Variants in LARP1B observed in about 807,000 individuals in gnomAD.
The protein encoded by LARP1B is la-related protein 1B.
A neutral mutation model predicts 114.2 loss-of-function variants in LARP1B; 76 were observed. The observed-to-expected ratio is 0.67, with a 90% CI of 0.55 to 0.81. The LOEUF (loss-of-function observed/expected upper bound fraction) is 0.81, where lower values mean the gene tolerates loss of function less well. Among genes scored for constraint, LARP1B ranks in the 30% least tolerant of loss-of-function variants. The pLI, the probability that LARP1B is intolerant of heterozygous loss-of-function variation, is 0.00. For synonymous variants in LARP1B, 345 were observed against 348.0 expected (o/e 0.99, Z 0.10); for missense variants, 1,014 against 1,075.8 (o/e 0.94, Z 0.80).
intron 7 of LARP1B, 112 bp from the exon 8 acceptor site, chr4:128,098,074 C>T: frequency 1.2e-6 from 1 of 841,066 alleles, no homozygotes. Context: ...ATATTGTTAA[C>T]CAAATTACAA....
At chr4:128,198,364 A>G (rs1754942565) in intron 15 of LARP1B, among the ~76,000 whole-genome samples, 1 of 152,228 alleles carries the variant, frequency 6.6e-6, no homozygotes, top group South Asian at 2.1e-4. Context: ...TCATCTTGCA[A>G]AACAAGCTTC....
chr4:128,062,043 T>C, intron 1 of LARP1B: 1 of 985,206 alleles, frequency 1.0e-6, no homozygotes, highest in Non-Finnish European at 1.2e-6. Flanking sequence ...TTGCCGCCGT[T>C]GCTGCGGGAT....
intron 9 of LARP1B, among the ~76,000 whole-genome samples, chr4:128,110,722 G>A (rs57137613): frequency 0.64 from 86,522 of 135,754 alleles, 28,523 homozygotes; most frequent in Middle Eastern, 0.81. Flanking sequence ...GAGCATATAT[G>A]TAAATTAATT....
In LARP1B at chr4:128,210,267, G is replaced by T; in HGVS notation, c.*214G>T. 3 of 1,377,198 alleles carry T rather than the reference G, an allele frequency of 2.2e-6. 1 individual carries two copies. In the South Asian group the frequency reaches 5.1e-5, roughly 24 times the overall value. 85.3% of individuals were successfully genotyped at this position (1,377,198 alleles called of 1,614,324 possible). On this transcript the variant is annotated 3_prime_UTR_variant, in exon 20 of 20. Transcript: ENST00000326639. Reference sequence around the variant, plus strand: ...GATAAATTCTAAAAATGTTTTCCCTGATTTCACAAACAAGGATAGTCTTGG... The same window carrying T: ...GATAAATTCTAAAAATGTTTTCCCTTATTTCACAAACAAGGATAGTCTTGG...
At chr4:128,161,967 G>GT (rs1489871009) in intron 11 of LARP1B, among the ~76,000 whole-genome samples, 3 of 152,028 alleles carry the variant, frequency 2.0e-5, no homozygotes, top group Non-Finnish European at 2.9e-5. Flanking sequence ...GTCTTATAAT[G>GT]TTTTTTAATT....
At chr4:128,075,978 A>T (rs1767684042) in intron 3 of LARP1B, among the ~76,000 whole-genome samples, 1 of 152,184 alleles carries the variant, frequency 6.6e-6, no homozygotes, top group Non-Finnish European at 1.5e-5. Context: ...CCCGCTTTTC[A>T]GATAACCTAA....
intron 14 of LARP1B, among the ~76,000 whole-genome samples, chr4:128,179,037 G>T (rs564995674): frequency 2.0e-5 from 3 of 152,226 alleles, no homozygotes; most frequent in South Asian, 4.1e-4. Flanking sequence ...GGGCTGCAGT[G>T]AGCCATGATC....
intron 11 of LARP1B, among the ~76,000 whole-genome samples, chr4:128,153,950 G>T (rs767283595): frequency 6.6e-6 from 1 of 152,162 alleles, no homozygotes; most frequent in Non-Finnish European, 1.5e-5. Context: ...CATGCAGTTT[G>T]TCACTAGGTC....
At position 128,211,778 on chromosome 4, in the gene LARP1B, A is replaced by G; in HGVS notation, c.*1725A>G. 1.1e-6 allele frequency: 1 copy of G among 890,852 alleles called. No individual in the cohort carries two copies. Among genetic ancestry groups the G allele is most frequent in the Non-Finnish European group, 1.3e-6 (1 of 743,738 alleles). 55.2% of individuals were successfully genotyped at this position (890,852 alleles called of 1,614,324 possible). A position where few individuals can be genotyped will look rare whatever the true frequency, so the allele number is the denominator to read the frequency against. ...ATATCTGAAACCTGTATTTAACCAG[A>G]TATTTCTACTCAACTGAATATACAA... On this transcript the variant is annotated 3_prime_UTR_variant, in exon 20 of 20. Transcript: ENST00000326639.
chr4:128,166,263 C>T (rs185784979), intron 12 of LARP1B, among the ~76,000 whole-genome samples: 42 of 151,674 alleles, frequency 2.8e-4, no homozygotes, highest in Non-Finnish European at 4.9e-4. Flanking sequence ...TTTTAAATTC[C>T]GTATCTTATT....
In LARP1B at chr4:128,196,967, C is replaced by T. The variant is rs1391262930; in HGVS notation, c.2004-2472C>T. On this transcript the variant is annotated intron_variant, in intron 15 of 19. Transcript: ENST00000326639. ...CACAGAAGGATAAATATTATACGATCCCACTTATATGGAGTACCTAGAATA... is the reference window on the plus strand; with the variant it reads ...CACAGAAGGATAAATATTATACGATTCCACTTATATGGAGTACCTAGAATA... 2.6e-5 allele frequency among the ~76,000 whole-genome samples: 4 copies of T among 152,174 alleles called. No homozygotes were observed. The East Asian group carries it at 7.7e-4, about 29-fold the overall frequency.
intron 1 of LARP1B, among the ~76,000 whole-genome samples, chr4:128,073,788 A>G (rs1257077892): frequency 1.3e-5 from 2 of 150,852 alleles, no homozygotes; most frequent in Non-Finnish European, 3.0e-5. Context: ...ATGGGGTTTC[A>G]CCATGTTGGC....
At chr4:128,064,196 C>A (rs895692341) in intron 1 of LARP1B, among the ~76,000 whole-genome samples, 2 of 140,718 alleles carry the variant, frequency 1.4e-5, no homozygotes, top group African/African-American at 5.3e-5. Context: ...CGCTTGAACC[C>A]GGGAGACGGA....
At chr4:128,123,445 T>G (rs752142286) in intron 11 of LARP1B, 13 of 898,134 alleles carry the variant, frequency 1.4e-5, no homozygotes, top group African/African-American at 1.8e-5. Flanking sequence ...AATAATCAGT[T>G]AAAATTATCC....
intron 12 of LARP1B, among the ~76,000 whole-genome samples, chr4:128,167,221 G>A (rs1234893249): frequency 6.6e-6 from 1 of 151,620 alleles, no homozygotes; most frequent in African/African-American, 2.4e-5. Flanking sequence ...TTTCCTTTGG[G>A]TATATATATA....
intron 12 of LARP1B, among the ~76,000 whole-genome samples, chr4:128,174,583 C>T (rs1283144126): frequency 1.3e-5 from 2 of 151,868 alleles, no homozygotes; most frequent in African/African-American, 2.4e-5. Context: ...ACAAATAAAA[C>T]TTAGCTTTTG....
Position 128,082,257 on chromosome 4 carries a change from C to T in LARP1B, c.310C>T (p.Pro104Ser). ...PGSRNSSRCQPEANKPTHNNR... is the reference protein window; with the variant it reads ...PGSRNSSRCQSEANKPTHNNR... Reference sequence around the variant, plus strand: ...ATCCCGGAACAGCTCAAGATGTCAACCTGAAGCAAATAAACCAACACATAA... The same window carrying T: ...ATCCCGGAACAGCTCAAGATGTCAATCTGAAGCAAATAAACCAACACATAA... Residue 104 changes from proline (P) to serine (S), a missense_variant, in exon 5 of 20, where the codon CCT becomes TCT. Transcript: ENST00000326639. 1 of 1,613,626 alleles carries T rather than the reference C, an allele frequency of 6.2e-7. No individual in the cohort carries two copies. The highest frequency in any genetic ancestry group is 1.1e-5 in the South Asian group (1 of 91,064).
chr4:128,098,301 C>G lies in LARP1B; in HGVS notation c.784C>G (p.Leu262Val), dbSNP rs781113785. 4 of 1,613,836 alleles carry G rather than the reference C, an allele frequency of 2.5e-6. No individual in the cohort carries two copies. The highest frequency in any genetic ancestry group is 2.5e-6 in the Non-Finnish European group (3 of 1,179,836). ...LIAGFQRVQALTTNLNLILEA... is the reference protein window; with the variant it reads ...LIAGFQRVQAVTTNLNLILEA... ...TGCTGGTTTTCAGCGTGTTCAGGCT[C>G]TCACTACAAACCTTAATCTCATCTT... Residue 262 changes from leucine (L) to valine (V), a missense_variant, in exon 8 of 20, where the codon CTC becomes GTC. Physicochemically the swap from Leu to Val is conservative, Grantham distance 32 (BLOSUM62 1). Coordinates refer to ENST00000326639, the MANE Select transcript of LARP1B (RefSeq NM_018078.4).
In LARP1B at chr4:128,133,151, T is replaced by G. The variant is rs1334813620; in HGVS notation, c.1524+10963T>G. On this transcript the variant is annotated intron_variant, in intron 11 of 19. Coordinates refer to ENST00000326639, the MANE Select transcript of LARP1B (RefSeq NM_018078.4). ...CCACCCACCACTCAACCGTGGTTCC[T>G]AACAGGCTACAGACCAGTACTGGTG... Among the ~76,000 whole-genome samples the G allele has an allele frequency of 5.9e-5, 9 of 152,312 alleles. No individual in the cohort carries two copies. The East Asian group carries it at 1.7e-3, about 29-fold the overall frequency.
Sources: allele counts gnomAD v4.1 joint callset (sites outside exome capture counted in the v4.1 genomes callset), GRCh38; gene constraint gnomAD v4.1.1; transcripts MANE v1.5; gene names NCBI Gene and HGNC (gene_info 2026-07-23, HGNC 2026-07-21).